Variants in ELMO1 observed in about 807,000 individuals in gnomAD.
ELMO1 encodes engulfment and cell motility 1.
In ELMO1, 26 loss-of-function variants were observed where a neutral mutation model predicts 98.9. The ratio of observed to expected loss-of-function variants is 0.26; its 90% CI spans 0.19 to 0.36. The LOEUF is 0.36. ELMO1 is among the 10% of genes least tolerant of loss of function. The pLI is 1.00. For synonymous variants in ELMO1, 346 were observed against 346.0 expected, an observed-to-expected ratio of 1.00 and a Z score of 0.00; for missense variants, 627 against 935.2, an observed-to-expected ratio of 0.67 and a Z score of 4.30.
Position 37,360,226 on chromosome 7 carries a change from A to G in ELMO1, c.-73-17463T>C, listed in dbSNP as rs372737261. Among the ~76,000 whole-genome samples the G allele has an allele frequency of 1.1e-4, 16 of 152,318 alleles. No homozygotes were observed. In the East Asian group the frequency reaches 2.9e-3, roughly 28 times the overall value. Reference sequence around the variant, plus strand: ...CACTAACAAGGAATAATCTTAATTGACATCTTGCTCTGTCAGAGTACAGCC... The same window carrying G: ...CACTAACAAGGAATAATCTTAATTGGCATCTTGCTCTGTCAGAGTACAGCC... On this transcript the variant is annotated intron_variant, in intron 1 of 21. Coordinates refer to ENST00000310758, the MANE Select transcript of ELMO1 (RefSeq NM_014800.11).
At chr7:36,885,833 C>T (rs115384555) in intron 18 of ELMO1, among the ~76,000 whole-genome samples, 430 of 152,274 alleles carry the variant, frequency 2.8e-3, no homozygotes, top group African/African-American at 9.7e-3. Context: ...TGGCTCACTG[C>T]TTTTTTCCTA....
chr7:37,419,965 C>A (rs1352417804), intron 1 of ELMO1, among the ~76,000 whole-genome samples: 1 of 152,186 alleles, frequency 6.6e-6, no homozygotes, highest in African/African-American at 2.4e-5. Flanking sequence ...AACATCCTAT[C>A]ATCATTTGTA....
intron 13 of ELMO1, among the ~76,000 whole-genome samples, chr7:37,177,748 T>C (rs1011700659): frequency 2.0e-5 from 3 of 152,202 alleles, no homozygotes; most frequent in African/African-American, 7.2e-5. Context: ...TGGCCCTTCT[T>C]TTCCTTGACT....
At chr7:37,447,739 C>CACACACACAT (rs1805695741) in intron 1 of ELMO1, among the ~76,000 whole-genome samples, 1 of 150,678 alleles carries the variant, frequency 6.6e-6, no homozygotes, top group South Asian at 2.1e-4. Context: ...CACACACACA[C>CACACACACAT]ACACACACAC....
chr7:37,042,841 CCACT>C (rs1459261264), intron 15 of ELMO1, among the ~76,000 whole-genome samples: 6 of 152,182 alleles, frequency 3.9e-5, no homozygotes, highest in Non-Finnish European at 7.3e-5. Flanking sequence ...CTCTCCTGGG[CCACT>C]CACAATCTAA....
intron 6 of ELMO1, among the ~76,000 whole-genome samples, chr7:37,251,136 G>A (rs1431217091): frequency 6.6e-6 from 1 of 152,096 alleles, no homozygotes; most frequent in Non-Finnish European, 1.5e-5. Flanking sequence ...TATGACATTG[G>A]ACTTAAGAGT....
At chr7:37,026,124 G>A (rs949750725) in intron 15 of ELMO1, among the ~76,000 whole-genome samples, 24 of 152,196 alleles carry the variant, frequency 1.6e-4, no homozygotes, top group African/African-American at 4.8e-4. Flanking sequence ...GAGAAGTGGC[G>A]CATTAAGAGA....
At chr7:37,214,890 G>C (rs915721858) in intron 11 of ELMO1, among the ~76,000 whole-genome samples, 1 of 152,156 alleles carries the variant, frequency 6.6e-6, no homozygotes, top group Non-Finnish European at 1.5e-5. Flanking sequence ...ACTGATTTTT[G>C]AGACAGGGTG....
chr7:37,193,390 T>C (rs569246088), intron 13 of ELMO1, among the ~76,000 whole-genome samples: 7 of 152,238 alleles, frequency 4.6e-5, no homozygotes, highest in African/African-American at 1.7e-4. Flanking sequence ...ATGGAGGTAA[T>C]TTTTTCTAAC....
Position 36,870,097 on chromosome 7 carries a change from G to C in ELMO1, c.1905+296C>G, listed in dbSNP as rs1803381944. ...GGCCCAGGGAATGGACGGATGAGCA[G>C]AGCGGGCTCAAGAGAGGACAAAGTG... On this transcript the variant is annotated intron_variant, in intron 20 of 21. Coordinates refer to ENST00000310758, the MANE Select transcript of ELMO1 (RefSeq NM_014800.11). The surrounding 1 kb of genome is among the most constrained non-coding windows in gnomAD (Gnocchi z 4.4). Among the ~76,000 whole-genome samples the C allele has an allele frequency of 2.0e-5, 3 of 152,194 alleles. No homozygotes were observed. The highest frequency in any genetic ancestry group is 4.1e-4 in the South Asian group (2 of 4,830).
chr7:37,307,392 T>C (rs2131057191), intron 4 of ELMO1, among the ~76,000 whole-genome samples: 1 of 152,272 alleles, frequency 6.6e-6, no homozygotes, highest in East Asian at 1.9e-4. Flanking sequence ...CCTTGCTGCC[T>C]CCATGTGAAG....
chr7:36,899,501 A>G (rs1057264216), intron 16 of ELMO1, among the ~76,000 whole-genome samples: 2 of 152,074 alleles, frequency 1.3e-5, no homozygotes, highest in East Asian at 3.9e-4. Context: ...CATGAAAGAA[A>G]ACATGCTTTT....
At chr7:37,036,781 T>A (rs1198439141) in intron 15 of ELMO1, among the ~76,000 whole-genome samples, 1 of 152,192 alleles carries the variant, frequency 6.6e-6, no homozygotes, top group African/African-American at 2.4e-5. Flanking sequence ...ATCTTCTTTT[T>A]AAAATGGATG....
chr7:37,277,887 G>A (rs1394510030), intron 4 of ELMO1, among the ~76,000 whole-genome samples: 1 of 152,236 alleles, frequency 6.6e-6, no homozygotes, highest in Non-Finnish European at 1.5e-5. Context: ...TGCCTAGGCA[G>A]ATGGCATGAC....
At chr7:36,883,648 C>T (rs1804672715) in intron 18 of ELMO1, among the ~76,000 whole-genome samples, 1 of 152,162 alleles carries the variant, frequency 6.6e-6, no homozygotes, top group Admixed American at 6.5e-5. Context: ...GCTGACCCTG[C>T]CCCACCTTCT....
chr7:37,391,605 C>T (rs1013996821), intron 1 of ELMO1, among the ~76,000 whole-genome samples: 14 of 152,206 alleles, frequency 9.2e-5, no homozygotes, highest in Non-Finnish European at 1.6e-4. Context: ...ACACGGCCTT[C>T]GTTACTCATG....
chr7:37,008,114 G>A (rs1793273539), intron 16 of ELMO1, among the ~76,000 whole-genome samples: 3 of 152,232 alleles, frequency 2.0e-5, no homozygotes, highest in African/African-American at 4.8e-5. Flanking sequence ...TAATCTGAAA[G>A]TATGGCACAA....
chr7:37,043,120 C>T lies in ELMO1; in HGVS notation c.1301-29685G>A, dbSNP rs150945758. ...TGGCAGGTTCAGGAGGCCTGCTCTC[C>T]GCAGACAATGCCGGGAGCCTCCTCT... On this transcript the variant is annotated intron_variant, in intron 15 of 21. Coordinates refer to ENST00000310758, the MANE Select transcript of ELMO1 (RefSeq NM_014800.11). Among the ~76,000 whole-genome samples the T allele has an allele frequency of 2.0e-4, 31 of 152,270 alleles. 1 individual carries two copies. The highest frequency in any genetic ancestry group is 7.0e-4 in the African/African-American group (29 of 41,554).
intron 16 of ELMO1, among the ~76,000 whole-genome samples, chr7:36,968,731 T>C (rs969297190): frequency 6.6e-6 from 1 of 152,204 alleles, no homozygotes; most frequent in Non-Finnish European, 1.5e-5. Flanking sequence ...TTATTGATTC[T>C]ATTATTTCTT....
Sources: gnomAD v4.1 joint callset for allele counts (sites outside exome capture counted in the v4.1 genomes callset) on GRCh38, gnomAD v4.1.1 for gene constraint, Gnocchi (gnomAD v3.1) non-coding constraint, MANE v1.5 for transcripts, NCBI Gene and HGNC (gene_info 2026-07-23, HGNC 2026-07-21) for gene names.